SETD3: variants seen among roughly 807,000 people sequenced by gnomAD.
SETD3 encodes SET domain containing 3, actin N3(tau)-histidine methyltransferase.
In SETD3, 19 loss-of-function variants were observed where a neutral mutation model predicts 63.0. The observed-to-expected ratio is 0.30, with a 90% CI of 0.21 to 0.44. The LOEUF is 0.44. Among genes scored for constraint, SETD3 ranks in the 20% least tolerant of loss-of-function variants. SETD3 has a pLI of 1.00. For synonymous variants in SETD3, 286 were observed against 264.1 expected (o/e 1.08, Z -0.80); for missense variants, 587 against 728.5 (o/e 0.81, Z 2.24).
chr14:99,429,721 C>T (rs996929518), intron 6 of SETD3, among the ~76,000 whole-genome samples: 1 of 152,132 alleles, frequency 6.6e-6, no homozygotes, highest in African/African-American at 2.4e-5. Flanking sequence ...CTAGTTAAAA[C>T]GTGAGGAAGA....
chr14:99,481,669 G>A (rs930567057), upstream of SETD3: 3 of 390,054 alleles, frequency 7.7e-6, no homozygotes, highest in Middle Eastern at 6.3e-4. Context: ...GTGTAGAGAG[G>A]GTCTGAGGCG....
intron 6 of SETD3, among the ~76,000 whole-genome samples, chr14:99,449,699 A>T (rs1894349160): frequency 6.6e-6 from 1 of 152,174 alleles, no homozygotes; most frequent in Non-Finnish European, 1.5e-5. Context: ...CCAGGACAAC[A>T]CTGGTGAAAT....
At position 99,475,091 on chromosome 14, in the gene SETD3, T is replaced by C. The variant is rs530791054; in HGVS notation, c.-9+5637A>G. 3.9e-5 allele frequency among the ~76,000 whole-genome samples: 6 copies of C among 152,340 alleles called. No individual in the cohort carries two copies. The South Asian group carries it at 1.2e-3, about 32-fold the overall frequency. On this transcript the variant is annotated intron_variant, in intron 1 of 12. Transcript: ENST00000331768. Reference sequence around the variant, plus strand: ...GGTATCATGAATAATCATTTCCTATTATATCTTTCTAAAATAAAAAAGACA... The same window carrying C: ...GGTATCATGAATAATCATTTCCTATCATATCTTTCTAAAATAAAAAAGACA...
At chr14:99,459,446 C>T (rs1429873017) in intron 4 of SETD3, among the ~76,000 whole-genome samples, 2 of 152,210 alleles carry the variant, frequency 1.3e-5, no homozygotes, top group Non-Finnish European at 1.5e-5. Flanking sequence ...AAAAAAGGGA[C>T]TTTCAACTTT....
chr14:99,431,536 G>A (rs1022755468), intron 6 of SETD3, among the ~76,000 whole-genome samples: 3 of 151,936 alleles, frequency 2.0e-5, no homozygotes, highest in Non-Finnish European at 4.4e-5. Context: ...TTGTTGCCCA[G>A]GCTGGAGTGC....
chr14:99,482,798 C>T (rs1006393440), upstream of SETD3, among the ~76,000 whole-genome samples: 60 of 152,280 alleles, frequency 3.9e-4, no homozygotes, highest in African/African-American at 1.3e-3. Flanking sequence ...AAAAATTGGT[C>T]ATAGCTGTGG....
intron 6 of SETD3, among the ~76,000 whole-genome samples, chr14:99,419,781 A>C (rs531133313): frequency 1.3e-5 from 2 of 149,980 alleles, no homozygotes; most frequent in Non-Finnish European, 2.9e-5. Context: ...TCTCAAAAAA[A>C]AAAACAAAAA....
chr14:99,443,374 CTT>C (rs1893948235), intron 6 of SETD3, among the ~76,000 whole-genome samples: 1 of 151,062 alleles, frequency 6.6e-6, no homozygotes, highest in African/African-American at 2.4e-5. Flanking sequence ...GCCTCAGCCT[CTT>C]GAGTAGCTGG....
chr14:99,459,377 T>C (rs929169195), intron 4 of SETD3, among the ~76,000 whole-genome samples, 192 bp from the exon 5 acceptor site: 4 of 152,156 alleles, frequency 2.6e-5, no homozygotes. Context: ...GAAGTATAGC[T>C]TAAAATCCTG....
chr14:99,418,130 T>C (rs1482348606), intron 6 of SETD3, among the ~76,000 whole-genome samples: 1 of 152,254 alleles, frequency 6.6e-6, no homozygotes, highest in Admixed American at 6.5e-5. Flanking sequence ...ATTTACATCC[T>C]GCCATAATGC....
intron 8 of SETD3, among the ~76,000 whole-genome samples, chr14:99,407,038 G>A (rs565540279): frequency 1.3e-5 from 2 of 152,242 alleles, no homozygotes; most frequent in South Asian, 2.1e-4. Flanking sequence ...AAATCCAAGT[G>A]GGTGTTCCAT....
chr14:99,400,760 AT>A (rs1294677981), intron 11 of SETD3, among the ~76,000 whole-genome samples: 1 of 152,212 alleles, frequency 6.6e-6, no homozygotes, highest in African/African-American at 2.4e-5. Context: ...TGACCAAGCT[AT>A]TTAAGCCACG....
intron 11 of SETD3, among the ~76,000 whole-genome samples, chr14:99,402,244 AG>A (rs1291678877): frequency 6.6e-6 from 1 of 152,174 alleles, no homozygotes; most frequent in East Asian, 1.9e-4. Flanking sequence ...CCAGACCCCT[AG>A]AGCACTAAGA....
rs1450963420 is a variant in SETD3 at position 99,405,335 on chromosome 14, ACT to A, written c.959_960del (p.Glu320ValfsTer10). The A allele has an allele frequency of 6.2e-7, 1 of 1,613,270 alleles. No homozygotes were observed. The highest frequency in any genetic ancestry group is 8.5e-7 in the Non-Finnish European group (1 of 1,179,806). On this transcript the variant is annotated frameshift_variant, in exon 10 of 13. Transcript: ENST00000331768. LOFTEE classifies it high-confidence loss of function. ...AAGAAAAAACCACTGTGGATCACAA[ACT>A]CTGCGTTGGATCGAGTGCCATAAAA... is the stretch of plus-strand genomic sequence containing the variant. ...YIFYGTRSNA[E>X]FVIHSGFFFD...
chr14:99,476,312 G>A lies in SETD3; in HGVS notation c.-9+4416C>T, dbSNP rs530101151. Among the ~76,000 whole-genome samples, 7 of 152,266 alleles carry A rather than the reference G, an allele frequency of 4.6e-5. No homozygotes were observed. In the South Asian group the frequency reaches 1.2e-3, roughly 27 times the overall value. ...AGAGCTCCAAAGGTTCACTGTTATC[G>A]CTAATATTCAAAATACTATTCCCTT... On this transcript the variant is annotated intron_variant, in intron 1 of 12. Coordinates refer to ENST00000331768, the MANE Select transcript of SETD3 (RefSeq NM_032233.3).
At chr14:99,477,927 G>A (rs1367190539) in intron 1 of SETD3, among the ~76,000 whole-genome samples, 1 of 151,878 alleles carries the variant, frequency 6.6e-6, no homozygotes, top group Admixed American at 6.6e-5. Context: ...ATGATAAAAG[G>A]AAATCCAATG....
chr14:99,476,741 C>G (rs921710234), intron 1 of SETD3, among the ~76,000 whole-genome samples: 3 of 152,126 alleles, frequency 2.0e-5, no homozygotes, highest in Non-Finnish European at 2.9e-5. Context: ...CATTGTAAAC[C>G]ATTTAGTCGG....
chr14:99,426,857 C>CA (rs1892909690), intron 6 of SETD3, among the ~76,000 whole-genome samples: 1 of 152,184 alleles, frequency 6.6e-6, no homozygotes, highest in Non-Finnish European at 1.5e-5. Flanking sequence ...TCCCAGCCTC[C>CA]AAAGTGTCCA....
intron 6 of SETD3, among the ~76,000 whole-genome samples, chr14:99,442,661 T>A (rs1893891315): frequency 6.6e-6 from 1 of 152,250 alleles, no homozygotes; most frequent in Admixed American, 6.5e-5. Flanking sequence ...TTTTCTTTTC[T>A]CCAGCTTACT....
Sources: allele counts gnomAD v4.1 joint callset (sites outside exome capture counted in the v4.1 genomes callset), GRCh38; gene constraint gnomAD v4.1.1; transcripts MANE v1.5; gene names NCBI Gene and HGNC (gene_info 2026-07-23, HGNC 2026-07-21).